GMEB2: variants seen among roughly 807,000 people sequenced by gnomAD.
GMEB2 encodes glucocorticoid modulatory element binding protein 2.
In GMEB2, 7 loss-of-function variants were observed where a neutral mutation model predicts 45.7. That is an observed-to-expected ratio of 0.15 (90% confidence interval 0.09 to 0.29). The LOEUF is 0.29. Ranked by LOEUF, GMEB2 falls within the 10% of genes least tolerant of loss-of-function variation. The pLI is 1.00. For missense variants in GMEB2, 582 were observed against 739.2 expected, an observed-to-expected ratio of 0.79 and a Z score of 2.47; for synonymous variants, 322 against 323.6, an observed-to-expected ratio of 1.00 and a Z score of 0.05.
intron 2 of GMEB2, among the ~76,000 whole-genome samples, chr20:63,618,760 C>A (rs1457884684): frequency 6.6e-6 from 1 of 152,140 alleles, no homozygotes; most frequent in Non-Finnish European, 1.5e-5. Context: ...GGAGTGACAC[C>A]GGCTCACAGC....
At chr20:63,606,957 G>A (rs1289686177) in intron 2 of GMEB2, among the ~76,000 whole-genome samples, 2 of 152,186 alleles carry the variant, frequency 1.3e-5, no homozygotes, top group South Asian at 2.1e-4. Context: ...GGCCCAGGAC[G>A]CAGGACTCCA....
rs150840099 is a variant in GMEB2 at position 63,593,946 on chromosome 20, G to C, written c.620-864C>G. Among the ~76,000 whole-genome samples, 219 of 152,362 alleles carry C rather than the reference G, an allele frequency of 1.4e-3. No homozygotes were observed. Among genetic ancestry groups the C allele is most frequent in the Middle Eastern group, 3.4e-3 (1 of 294 alleles). The stretch of plus-strand genomic sequence containing the variant: ...GAGGCAGGAGAATCGCTAGAACCCG[G>C]AAGGCAGAGGTTGCAGTGAGCCGAG... On this transcript the variant is annotated intron_variant, in intron 6 of 9. Coordinates refer to ENST00000370077, the MANE Select transcript of GMEB2 (RefSeq NM_012384.5). The surrounding 1 kb of genome is among the most constrained non-coding windows in gnomAD (Gnocchi z 4.7).
At position 63,587,962 on chromosome 20, in the gene GMEB2, T is replaced by A. The variant is rs1178946108; in HGVS notation, c.*2127A>T. 1 of 152,264 alleles carries A rather than the reference T, an allele frequency of 6.6e-6. No homozygotes were observed. Among genetic ancestry groups the A allele is most frequent in the African/African-American group, 2.4e-5 (1 of 41,450 alleles). The allele number at this position is 152,264 out of a possible 1,614,324, so 9.4% of individuals were successfully genotyped here. A position where few individuals can be genotyped will look rare whatever the true frequency, so the allele number is the denominator to read the frequency against. ...CCCACCCACTGCAGTGTGGTTCCCA[T>A]GAGGATGAGGGCTTCTCCAGGGCCC... On this transcript the variant is annotated 3_prime_UTR_variant, in exon 10 of 10. Coordinates refer to ENST00000370077, the MANE Select transcript of GMEB2 (RefSeq NM_012384.5).
At chr20:63,611,926 TGCCTGTAGAGTCCCA>T (rs1364436207) in intron 2 of GMEB2, among the ~76,000 whole-genome samples, 17 of 151,890 alleles carry the variant, frequency 1.1e-4, no homozygotes, top group African/African-American at 3.4e-4. Flanking sequence ...TGGTGGCACA[TGCCTGTAGAGTCCCA>T]GCTACTCAGG....
chr20:63,612,710 G>C (rs1331604713), intron 2 of GMEB2, among the ~76,000 whole-genome samples: 1 of 152,160 alleles, frequency 6.6e-6, no homozygotes, highest in East Asian at 1.9e-4. Context: ...TCCAGGTGGA[G>C]GATCACAGAC....
intron 4 of GMEB2, among the ~76,000 whole-genome samples, chr20:63,602,193 G>C (rs2083247136): frequency 1.3e-5 from 2 of 152,226 alleles, no homozygotes; most frequent in South Asian, 4.1e-4. Context: ...CTGCCAGCTG[G>C]GAGCCACTGA....
At chr20:63,614,345 A>T (rs60064234) in intron 2 of GMEB2, among the ~76,000 whole-genome samples, 2 of 152,292 alleles carry the variant, frequency 1.3e-5, no homozygotes, top group South Asian at 4.1e-4. Flanking sequence ...GTGAGAACTG[A>T]CCAGAAGACA....
chr20:63,592,205 C>T lies in GMEB2; in HGVS notation c.830-61G>A, dbSNP rs989957831. On this transcript the variant is annotated intron_variant, in intron 8 of 9. Coordinates refer to ENST00000370077, the MANE Select transcript of GMEB2 (RefSeq NM_012384.5). The surrounding 1 kb of genome is among the most constrained non-coding windows in gnomAD (Gnocchi z 8.2). The stretch of plus-strand genomic sequence containing the variant: ...AGCCCTTCCTAGAGAGCCACGCGGA[C>T]GCTCGGTGAGAGCCCGGGACCTTCC... 4.5e-5 allele frequency: 69 copies of T among 1,545,586 alleles called. No individual in the cohort carries two copies. Among genetic ancestry groups the T allele is most frequent in the African/African-American group, 9.5e-5 (7 of 73,542 alleles).
At chr20:63,609,516 AC>A (rs2089551815) in intron 2 of GMEB2, among the ~76,000 whole-genome samples, 4 of 32,528 alleles carry the variant, frequency 1.2e-4, no homozygotes, top group African/African-American at 1.9e-4. Flanking sequence ...TGCCCCTCTG[AC>A]CCCACCTCCA....
chr20:63,614,380 T>C (rs1846469372), intron 2 of GMEB2, among the ~76,000 whole-genome samples: 1 of 152,226 alleles, frequency 6.6e-6, no homozygotes, highest in Admixed American at 6.5e-5. Flanking sequence ...CTGTTATGCC[T>C]GGACAGGGCC....
chr20:63,595,879 G>A (rs903469782), intron 5 of GMEB2, 112 bp from the exon 6 acceptor site: 119 of 893,654 alleles, frequency 1.3e-4, no homozygotes, highest in Admixed American at 3.7e-4. Flanking sequence ...TAGCAGAGGC[G>A]CTGGCAGCTC....
chr20:63,599,222 C>CG (rs1205192678), intron 4 of GMEB2, among the ~76,000 whole-genome samples: 2 of 151,814 alleles, frequency 1.3e-5, no homozygotes, highest in African/African-American at 4.8e-5. Flanking sequence ...CCTGACCCCC[C>CG]GGAGCTAACT....
At chr20:63,597,717 C>T in intron 5 of GMEB2, 40 bp downstream of exon 5, 2 of 1,071,336 alleles carry the variant, frequency 1.9e-6, no homozygotes, top group Non-Finnish European at 2.9e-6. Context: ...GCTGCCAGGG[C>T]CCCTTCCAGC....
At chr20:63,625,953 G>C (rs1437067752) in intron 1 of GMEB2, among the ~76,000 whole-genome samples, 2 of 152,216 alleles carry the variant, frequency 1.3e-5, no homozygotes, top group East Asian at 1.9e-4. Context: ...TGATGTAATT[G>C]AAACTGTTGT....
chr20:63,617,037 C>T (rs149023479), intron 2 of GMEB2, among the ~76,000 whole-genome samples: 1 of 151,658 alleles, frequency 6.6e-6, no homozygotes, highest in Admixed American at 6.6e-5. Context: ...TACAGTGGCA[C>T]GATCACGGCT....
intron 2 of GMEB2, among the ~76,000 whole-genome samples, chr20:63,610,164 G>A (rs971449366): frequency 2.0e-5 from 3 of 152,228 alleles, no homozygotes; most frequent in Non-Finnish European, 4.4e-5. Context: ...TCCCAGCTGT[G>A]CACCTCATAA....
In GMEB2 at chr20:63,592,487, A is replaced by T; in HGVS notation, c.829+46T>A. On this transcript the variant is annotated intron_variant, in intron 8 of 9. Transcript: ENST00000370077. This position sits in a 1 kb window ranked among gnomAD's most constrained non-coding sequence, Gnocchi z 8.2. ...GCCAGTGGCCTCACCTCCTGCAGAG[A>T]CTCCTGGGCTGAGTAGCCAGCAAGA... is the stretch of plus-strand genomic sequence containing the variant. 5 of 1,517,794 alleles carry T rather than the reference A, an allele frequency of 3.3e-6. No homozygotes were observed. The highest frequency in any genetic ancestry group is 3.6e-6 in the Non-Finnish European group (4 of 1,105,166). The allele number at this position is 1,517,794 out of a possible 1,614,324, so 94.0% of individuals were successfully genotyped here.
In GMEB2 at chr20:63,592,615, G is replaced by T; in HGVS notation, c.747C>A (p.Val249=). 1 of 1,612,076 alleles carries T rather than the reference G, an allele frequency of 6.2e-7. No individual in the cohort carries two copies. Among genetic ancestry groups the T allele is most frequent in the Non-Finnish European group, 8.5e-7 (1 of 1,178,266 alleles). The change falls in exon 8 of 10, where the codon GTC becomes GTA. Residue 249 remains valine (V), a synonymous_variant. Transcript: ENST00000370077. The surrounding 1 kb of genome is among the most constrained non-coding windows in gnomAD (Gnocchi z 8.2). The part of the protein sequence containing the change: ...GLKDAGLLDE[V]IQEFHQELVE... ...CCAGCTCCTGGTGGAACTCCTGGATGACCTCGTCCAGCAGGCCGGCGTCCT... is the reference window on the plus strand; with the variant it reads ...CCAGCTCCTGGTGGAACTCCTGGATTACCTCGTCCAGCAGGCCGGCGTCCT...
chr20:63,600,540 A>G (rs2083234363), intron 4 of GMEB2, among the ~76,000 whole-genome samples: 1 of 151,248 alleles, frequency 6.6e-6, no homozygotes, highest in Non-Finnish European at 1.5e-5. Flanking sequence ...CAACATGGCA[A>G]AACCCCATCT....
Sources: gnomAD v4.1 joint callset for allele counts (sites outside exome capture counted in the v4.1 genomes callset) on GRCh38, gnomAD v4.1.1 for gene constraint, Gnocchi (gnomAD v3.1) non-coding constraint, MANE v1.5 for transcripts, NCBI Gene and HGNC (gene_info 2026-07-23, HGNC 2026-07-21) for gene names.